Variants in FREM1 observed in about 807,000 individuals in gnomAD.
FREM1 encodes FRAS1-related extracellular matrix protein 1.
FREM1 carries 220 observed loss-of-function variants against 210.1 expected under a neutral mutation model. The ratio of observed to expected loss-of-function variants is 1.05; its 90% CI spans 0.94 to 1.17. The LOEUF is 1.17. Ranked by LOEUF, FREM1 falls within the 50% of genes most tolerant of loss-of-function variation. The probability of loss-of-function intolerance (pLI) is 0.00; values close to 1 mark genes in which losing one functional copy is unlikely to be tolerated. For missense variants in FREM1, 3,454 were observed against 2,675.5 expected, an observed-to-expected ratio of 1.29 and a Z score of -6.42; for synonymous variants, 1,189 against 980.2, an observed-to-expected ratio of 1.21 and a Z score of -3.98.
chr9:14,868,009 T>A (rs1831865182), intron 2 of FREM1, among the ~76,000 whole-genome samples: 1 of 152,180 alleles, frequency 6.6e-6, no homozygotes, highest in Admixed American at 6.5e-5. Flanking sequence ...TCTCCAAGAT[T>A]TTGATTAAAA....
At chr9:14,855,831 G>C (rs997413573) in intron 5 of FREM1, among the ~76,000 whole-genome samples, 1 of 151,770 alleles carries the variant, frequency 6.6e-6, no homozygotes, top group Non-Finnish European at 1.5e-5. Flanking sequence ...ATTCAATATA[G>C]TAAGAAAAAA....
rs369765159 is a variant in FREM1, at chr9:14,775,801, T to C, written c.4845A>G (p.Leu1615=). 31 of 1,607,324 alleles carry C rather than the reference T, an allele frequency of 1.9e-5. No individual in the cohort carries two copies. Among genetic ancestry groups the C allele is most frequent in the Non-Finnish European group, 2.6e-5 (30 of 1,176,260 alleles). ...TTTTCATACTTGCCTGAATGGTGAA[T>C]AAAACAGGTTCTTCCCACACTCTCC... ...VNGRVWEEPV[L]FTIQVDQLDK... is the part of the protein sequence containing the mutation. Residue 1615 remains leucine, a synonymous_variant, in exon 25 of 37, where the codon TTA becomes TTG. Transcript: ENST00000380880.
intron 1 of FREM1, among the ~76,000 whole-genome samples, chr9:14,901,913 T>C (rs2132622519): frequency 6.6e-6 from 1 of 152,218 alleles, no homozygotes; most frequent in East Asian, 1.9e-4. Flanking sequence ...ATGTAGTGGC[T>C]TGATCACGGA....
intron 10 of FREM1, among the ~76,000 whole-genome samples, chr9:14,828,643 C>CGGGGGG (rs1554687424): frequency 4.1e-4 from 22 of 53,956 alleles, no homozygotes; most frequent in Admixed American, 9.4e-4. Flanking sequence ...TGTGGCGGGG[C>CGGGGGG]GGGGGAGGTG....
At chr9:14,832,622 A>G (rs1390973442) in intron 10 of FREM1, among the ~76,000 whole-genome samples, 1 of 152,196 alleles carries the variant, frequency 6.6e-6, no homozygotes, top group Admixed American at 6.5e-5. Flanking sequence ...CAACCTGGGA[A>G]AAACTAATTT....
rs1467678948 is a variant in FREM1, at chr9:14,824,066, C to T, written c.2128G>A (p.Val710Ile). The T allele has an allele frequency of 3.1e-6, 5 of 1,593,218 alleles. No individual in the cohort carries two copies. The highest frequency in any genetic ancestry group is 1.3e-5 in the African/African-American group (1 of 74,678). Residue 710 changes from valine (V) to isoleucine (I), a missense_variant, in exon 12 of 37, where the codon GTT becomes ATT. Physicochemically the swap from Val to Ile is conservative, Grantham distance 29. Transcript: ENST00000380880. Reference sequence around the variant, plus strand: ...AGCTCCAGGGCCGTAGGATTCTTAACTACTTTTGGTATGCTGTCCACCATA... The same window carrying T: ...AGCTCCAGGGCCGTAGGATTCTTAATTACTTTTGGTATGCTGTCCACCATA... The part of the protein sequence containing the change: ...LFMVDSIPKV[V>I]KNPTALELRS...
intron 20 of FREM1, 79 bp downstream of exon 20, chr9:14,801,573 T>C (rs1241529851): frequency 3.0e-6 from 3 of 995,712 alleles, no homozygotes; most frequent in Non-Finnish European, 4.6e-6. Context: ...TAGTTTGACC[T>C]TTTTAGATTT....
At chr9:14,902,048 G>C (rs1838883126) in intron 1 of FREM1, among the ~76,000 whole-genome samples, 1 of 150,326 alleles carries the variant, frequency 6.7e-6, no homozygotes, top group Non-Finnish European at 1.5e-5. Context: ...ATCTCACTAT[G>C]TTTCTCAGGC....
At chr9:14,812,269 C>G (rs949085536) in intron 16 of FREM1, among the ~76,000 whole-genome samples, 2 of 152,192 alleles carry the variant, frequency 1.3e-5, no homozygotes, top group African/African-American at 4.8e-5. Flanking sequence ...AAAAATGTAA[C>G]TGCAGTGCTA....
chr9:14,810,536 C>T (rs1819210697), intron 16 of FREM1, among the ~76,000 whole-genome samples: 1 of 152,158 alleles, frequency 6.6e-6, no homozygotes, highest in Non-Finnish European at 1.5e-5. Flanking sequence ...ACTCTAGGTT[C>T]CACCTCCTGG....
At chr9:14,760,799 A>G (rs558678040) in intron 27 of FREM1, among the ~76,000 whole-genome samples, 1 of 152,312 alleles carries the variant, frequency 6.6e-6, no homozygotes, top group Admixed American at 6.5e-5. Context: ...TGTGAGCTCA[A>G]GCAGAGCAAT....
chr9:14,899,821 C>G (rs1838456202), intron 1 of FREM1, among the ~76,000 whole-genome samples: 1 of 152,214 alleles, frequency 6.6e-6, no homozygotes, highest in Non-Finnish European at 1.5e-5. Flanking sequence ...ACGGCAAAAA[C>G]TCATCATGGT....
In FREM1 at chr9:14,846,060, G is replaced by A; in HGVS notation, c.1293C>T (p.Ala431=). ...GLSLLEGQSR[A]ITWEQFQVVD... is the part of the protein sequence containing the mutation. ...CAACCTGAAACTGTTCCCAAGTGAT[G>A]GCTCGAGACTGCCCCTCAAGGAGAC... The change falls in exon 8 of 37, where the codon GCC becomes GCT. Residue 431 remains alanine, a synonymous_variant. Transcript: ENST00000380880. 6.3e-7 allele frequency: 1 copy of A among 1,595,384 alleles called. No individual in the cohort carries two copies. The highest frequency in any genetic ancestry group is 8.5e-7 in the Non-Finnish European group (1 of 1,170,100).
At chr9:14,899,144 C>T (rs1838311273) in intron 1 of FREM1, among the ~76,000 whole-genome samples, 1 of 152,180 alleles carries the variant, frequency 6.6e-6, no homozygotes, top group Non-Finnish European at 1.5e-5. Context: ...GTTCATCATG[C>T]TTCCGGGCTT....
chr9:14,787,286 CA>C (rs869195129), intron 23 of FREM1, among the ~76,000 whole-genome samples: 1 of 147,318 alleles, frequency 6.8e-6, no homozygotes. Context: ...CAAAACAAAA[CA>C]AAAAACTGTA....
At chr9:14,847,054 C>G (rs1826772877) in intron 7 of FREM1, among the ~76,000 whole-genome samples, 1 of 152,174 alleles carries the variant, frequency 6.6e-6, no homozygotes, top group Admixed American at 6.5e-5. Context: ...CCAGATAACA[C>G]AATCTGGGCA....
intron 14 of FREM1, among the ~76,000 whole-genome samples, chr9:14,817,457 T>C (rs1588149916): frequency 6.6e-6 from 1 of 152,186 alleles, no homozygotes; most frequent in South Asian, 2.1e-4. Flanking sequence ...AAAATACCTT[T>C]CCTTTGTCTA....
In FREM1 at chr9:14,825,007, T is replaced by G; in HGVS notation, c.1882-15A>C. On this transcript the variant is annotated splice_polypyrimidine_tract_variant and intron_variant, in intron 10 of 36. Coordinates refer to ENST00000380880, the MANE Select transcript of FREM1 (RefSeq NM_001379081.2). The stretch of plus-strand genomic sequence containing the variant: ...ATTGTTGCCACCTGGAATAAAAATG[T>G]CTGTACCATTAATTTGAAATACCAA... 2 of 1,548,774 alleles carry G rather than the reference T, an allele frequency of 1.3e-6. No homozygotes were observed. Among genetic ancestry groups the G allele is most frequent in the Non-Finnish European group, 1.7e-6 (2 of 1,153,992 alleles).
intron 14 of FREM1, among the ~76,000 whole-genome samples, chr9:14,817,488 T>C (rs1257775126): frequency 6.6e-6 from 1 of 152,204 alleles, no homozygotes; most frequent in Non-Finnish European, 1.5e-5. Context: ...TATCTTCCAC[T>C]AATTCTCAGC....
Sources: gnomAD v4.1 joint callset for allele counts (sites outside exome capture counted in the v4.1 genomes callset) on GRCh38, gnomAD v4.1.1 for gene constraint, MANE v1.5 for transcripts, NCBI Gene and HGNC (gene_info 2026-07-23, HGNC 2026-07-21) for gene names.